HSP90AA1: variants seen among roughly 807,000 people sequenced by gnomAD.
The protein encoded by HSP90AA1 is heat shock protein HSP 90-alpha.
A neutral mutation model predicts 73.3 loss-of-function variants in HSP90AA1; 18 were observed. The observed-to-expected ratio is 0.25, with a 90% CI of 0.17 to 0.36. The LOEUF (loss-of-function observed/expected upper bound fraction) is 0.36, where lower values mean the gene tolerates loss of function less well. Ranked by LOEUF, HSP90AA1 falls within the 10% of genes least tolerant of loss-of-function variation. HSP90AA1 has a pLI of 1.00. For synonymous variants in HSP90AA1, 477 were observed against 296.9 expected (o/e 1.61, Z -6.24); for missense variants, 704 against 874.2 (o/e 0.81, Z 2.45).
intron 2 of HSP90AA1, among the ~76,000 whole-genome samples, chr14:102,098,904 G>A (rs1455090190): frequency 5.3e-5 from 8 of 152,218 alleles, no homozygotes. Flanking sequence ...CTATCTTAAT[G>A]TAGTTCTAAA....
chr14:102,134,783 G>A (rs2049961353), intron 1 of HSP90AA1, among the ~76,000 whole-genome samples: 1 of 152,180 alleles, frequency 6.6e-6, no homozygotes, highest in Admixed American at 6.5e-5. Flanking sequence ...AAGATTTATT[G>A]CAAAGGGAGA....
At chr14:102,126,217 G>A (rs963466296) in intron 1 of HSP90AA1, among the ~76,000 whole-genome samples, 2 of 152,126 alleles carry the variant, frequency 1.3e-5, no homozygotes, top group African/African-American at 4.8e-5. Context: ...GAACAGAGAG[G>A]AAAGGGAATC....
chr14:102,082,966 G>T, intron 9 of HSP90AA1, 68 bp downstream of exon 9: 2 of 1,455,210 alleles, frequency 1.4e-6, no homozygotes, highest in Non-Finnish European at 1.9e-6. Flanking sequence ...GCGAAAATGG[G>T]CTATGTATGA....
intron 1 of HSP90AA1, chr14:102,139,194 C>T: frequency 6.3e-7 from 1 of 1,599,942 alleles, no homozygotes; most frequent in Non-Finnish European, 8.6e-7. Flanking sequence ...TCTTCTCTCC[C>T]CCTACCCCGC....
At chr14:102,086,663 G>A (rs1005224596) in intron 1 of HSP90AA1, among the ~76,000 whole-genome samples, 125 of 150,874 alleles carry the variant, frequency 8.3e-4, no homozygotes, top group African/African-American at 2.8e-3. Flanking sequence ...CTGCGGCTCC[G>A]CCACGGCGGC....
rs945257076 is a variant in HSP90AA1, at chr14:102,081,307, G to A, written c.*405C>T. The A allele has an allele frequency of 3.3e-6, 1 of 299,844 alleles. No homozygotes were observed. The highest frequency in any genetic ancestry group is 4.7e-5 in the Admixed American group (1 of 21,472). 18.6% of individuals were successfully genotyped at this position (299,844 alleles called of 1,614,324 possible). A position where few individuals can be genotyped will look rare whatever the true frequency, so the allele number is the denominator to read the frequency against. ...AATTGTCAACTACAGGGAATGAAAAGTTCAAAAAGTAGATCCTACAAGATG... is the reference window on the plus strand; with the variant it reads ...AATTGTCAACTACAGGGAATGAAAAATTCAAAAAGTAGATCCTACAAGATG... On this transcript the variant is annotated 3_prime_UTR_variant, in exon 11 of 11. Coordinates refer to ENST00000216281, the MANE Select transcript of HSP90AA1 (RefSeq NM_005348.4).
At chr14:102,081,945 C>A (rs1361040397) in intron 10 of HSP90AA1, 124 bp from the exon 11 acceptor site, 21 of 779,352 alleles carry the variant, frequency 2.7e-5, no homozygotes, top group Non-Finnish European at 4.4e-5. Flanking sequence ...AATTTCATTT[C>A]TTTGCTCTTG....
Position 102,084,733 on chromosome 14 carries a change from C to T in HSP90AA1, c.929G>A (p.Gly310Glu), listed in dbSNP as rs2152611563. 1 of 1,614,148 alleles carries T rather than the reference C, an allele frequency of 6.2e-7. No homozygotes were observed. Among genetic ancestry groups the T allele is most frequent in the Non-Finnish European group, 8.5e-7 (1 of 1,180,018 alleles). Residue 310 changes from glycine to glutamate, a missense_variant, in exon 5 of 11, where the codon GGA (glycine) becomes GAA (glutamate). Gly to Glu is a moderately conservative substitution (Grantham distance 98). Transcript: ENST00000216281. The part of the protein sequence containing the change: ...NPDDITNEEY[G>E]EFYKSLTNDW... ...ATTGGTCAAGCTCTTATAGAATTCT[C>T]CGTACTCCTCATTAGTAATATCGTC...
rs1179057394 is a variant in HSP90AA1 at position 102,084,828 on chromosome 14, C to T, written c.834G>A (p.Lys278=). The part of the protein sequence containing the change: ...EKKDGDKKKK[K]KIKEKYIDQE... ...GATCGATGTACTTTTCCTTAATCTT[C>T]TTCTTCTTCTTCTTGTCACCATCCT... The change falls in exon 5 of 11, where the codon AAG becomes AAA. Residue 278 remains lysine (K), a synonymous_variant. Coordinates refer to ENST00000216281, the MANE Select transcript of HSP90AA1 (RefSeq NM_005348.4). 20 of 1,600,862 alleles carry T rather than the reference C, an allele frequency of 1.2e-5. No individual in the cohort carries two copies. Among genetic ancestry groups the T allele is most frequent in the East Asian group, 2.2e-5 (1 of 44,800 alleles).
chr14:102,085,552 C>T, intron 3 of HSP90AA1, 121 bp from the exon 4 acceptor site: 1 of 1,208,112 alleles, frequency 8.3e-7, no homozygotes, highest in South Asian at 1.3e-5. Flanking sequence ...GCAAAGGCCA[C>T]CACAGCAGAA....
intron 1 of HSP90AA1, among the ~76,000 whole-genome samples, chr14:102,123,984 A>G (rs2152624964): frequency 6.6e-6 from 1 of 151,980 alleles, no homozygotes; most frequent in African/African-American, 2.4e-5. Context: ...AATTTTCTGA[A>G]GAGATGGCGC....
At chr14:102,084,168 G>A (rs1343673092) in intron 6 of HSP90AA1, 185 bp from the exon 7 acceptor site, 3 of 687,106 alleles carry the variant, frequency 4.4e-6, no homozygotes, top group East Asian at 2.7e-5. Context: ...CTCCCGGGGG[G>A]GTTCAAGCTG....
intron 2 of HSP90AA1, among the ~76,000 whole-genome samples, chr14:102,099,913 A>G (rs905118336): frequency 6.6e-6 from 1 of 152,306 alleles, no homozygotes; most frequent in Middle Eastern, 3.4e-3. Context: ...TAGGCTGGGC[A>G]TGGTGATTCA....
At chr14:102,106,717 T>C (rs2152620797) in intron 1 of HSP90AA1, among the ~76,000 whole-genome samples, 1 of 152,114 alleles carries the variant, frequency 6.6e-6, no homozygotes, top group South Asian at 2.1e-4. Context: ...CTGAGTTTTG[T>C]ATTTTTAGTA....
At chr14:102,112,431 C>T (rs1315871519) in intron 1 of HSP90AA1, among the ~76,000 whole-genome samples, 1 of 152,180 alleles carries the variant, frequency 6.6e-6, no homozygotes, top group Non-Finnish European at 1.5e-5. Context: ...GTCTCAGCCT[C>T]CCAAAGTGCT....
At chr14:102,103,559 G>A (rs574550094) in intron 1 of HSP90AA1, among the ~76,000 whole-genome samples, 6 of 151,740 alleles carry the variant, frequency 4.0e-5, no homozygotes, top group African/African-American at 1.5e-4. Flanking sequence ...ATCCCAGTAC[G>A]TTGGGAGGCC....
rs1168227698 is a variant in HSP90AA1 at position 102,084,819 on chromosome 14, C to T, written c.843G>A (p.Lys281=). Residue 281 remains lysine, a synonymous_variant, in exon 5 of 11, where the codon AAG becomes AAA. Coordinates refer to ENST00000216281, the MANE Select transcript of HSP90AA1 (RefSeq NM_005348.4). ...DGDKKKKKKI[K]EKYIDQEELN... ...GCTCTTCTTGATCGATGTACTTTTC[C>T]TTAATCTTCTTCTTCTTCTTCTTGT... 16 of 1,610,874 alleles carry T rather than the reference C, an allele frequency of 9.9e-6. No homozygotes were observed. Among genetic ancestry groups the T allele is most frequent in the Non-Finnish European group, 1.3e-5 (15 of 1,177,202 alleles).
At chr14:102,087,093 G>C (rs1467961804), upstream of HSP90AA1, 1 of 984,006 alleles carries the variant, frequency 1.0e-6, no homozygotes, top group Non-Finnish European at 1.2e-6. Context: ...CCCGCCCAGC[G>C]CGCGGCGCTT....
intron 1 of HSP90AA1, among the ~76,000 whole-genome samples, chr14:102,131,195 C>A (rs2049903290): frequency 6.6e-6 from 1 of 152,222 alleles, no homozygotes; most frequent in African/African-American, 2.4e-5. Context: ...AAAACATGCT[C>A]TTCCTCAGCC....
Sources: gnomAD v4.1 joint callset for allele counts (sites outside exome capture counted in the v4.1 genomes callset) on GRCh38, gnomAD v4.1.1 for gene constraint, MANE v1.5 for transcripts, NCBI Gene and HGNC (gene_info 2026-07-23, HGNC 2026-07-21) for gene names.